The following PTCHD4 variants were observed in gnomAD, a reference collection of about 807,000 sequenced individuals.
PTCHD4 encodes the protein patched domain containing 4.
In PTCHD4, 33 loss-of-function variants were observed where a neutral mutation model predicts 58.1. The observed-to-expected ratio is 0.57, with a 90% confidence interval of 0.43 to 0.76. PTCHD4 has a LOEUF of 0.76. PTCHD4 is among the 30% of genes least tolerant of loss of function. PTCHD4 has a pLI of 0.00. For missense variants in PTCHD4, 1,058 were observed against 1,027.1 expected (o/e 1.03, Z -0.41); for synonymous variants, 478 against 409.6 (o/e 1.17, Z -2.02).
chr6:47,996,496 C>T (rs572967263), intron 4 of PTCHD4, among the ~76,000 whole-genome samples: 2 of 152,156 alleles, frequency 1.3e-5, no homozygotes, highest in Admixed American at 1.3e-4. Context: ...TATTCTCAGG[C>T]CCCGCAGTAC....
chr6:47,989,501 G>A (rs1768203311), intron 4 of PTCHD4, among the ~76,000 whole-genome samples: 1 of 152,142 alleles, frequency 6.6e-6, no homozygotes, highest in African/African-American at 2.4e-5. Context: ...GGAGTCCAGG[G>A]TCCCTGTGCT....
At chr6:47,962,232 C>T (rs2113970118) in intron 4 of PTCHD4, among the ~76,000 whole-genome samples, 1 of 152,208 alleles carries the variant, frequency 6.6e-6, no homozygotes, top group East Asian at 1.9e-4. Context: ...GTCAAGATTT[C>T]ATTCTTGTTC....
chr6:48,109,771 C>T (rs1458094234), intron 1 of PTCHD4, among the ~76,000 whole-genome samples: 1 of 151,960 alleles, frequency 6.6e-6, no homozygotes, highest in East Asian at 1.9e-4. Context: ...GAGCACAGGA[C>T]CTGCATAGGC....
At position 48,008,637 on chromosome 6, in the gene PTCHD4, T is replaced by C. The variant is rs1421166228; in HGVS notation, c.895A>G (p.Met299Val). 1.2e-6 allele frequency: 2 copies of C among 1,612,640 alleles called. No individual in the cohort carries two copies. The highest frequency in any genetic ancestry group is 8.5e-7 in the Non-Finnish European group (1 of 1,179,262). ...STLLGIPFFA[M>V]GHGTKGVFEL... The stretch of plus-strand genomic sequence containing the variant: ...TACCACAAGGATGGATAGTTACCCA[T>C]GGCGAAGAACGGGATTCCCAGCAGG... The change falls in exon 4 of 5, where the codon ATG (methionine) becomes GTG (valine). Residue 299 changes from methionine (M) to valine (V), a missense_variant. Met to Val is a conservative substitution (Grantham distance 21). Transcript: ENST00000339488.
At chr6:47,895,433 AG>A (rs1348468239) in intron 4 of PTCHD4, among the ~76,000 whole-genome samples, 1 of 152,234 alleles carries the variant, frequency 6.6e-6, no homozygotes, top group Non-Finnish European at 1.5e-5. Context: ...AGCTGATAAA[AG>A]CATGTTAGCA....
At chr6:47,895,242 C>G (rs533383884) in intron 4 of PTCHD4, among the ~76,000 whole-genome samples, 1 of 152,110 alleles carries the variant, frequency 6.6e-6, no homozygotes, top group Non-Finnish European at 1.5e-5. Context: ...ATGAGCTTGG[C>G]CACGTGACTA....
rs1310937322 is a variant in PTCHD4 at position 47,856,982 on chromosome 6, C to T, written c.*21321G>A. Among the ~76,000 whole-genome samples the T allele has an allele frequency of 6.6e-6, 1 of 151,862 alleles. No individual in the cohort carries two copies. The highest frequency in any genetic ancestry group is 1.5e-5 in the Non-Finnish European group (1 of 67,936). ...ATAATTGGTAATGAATCAAAACTGCCAAAAGCTGAAGCATGACAACATTGA... is the reference window on the plus strand; with the variant it reads ...ATAATTGGTAATGAATCAAAACTGCTAAAAGCTGAAGCATGACAACATTGA... On this transcript the variant is annotated 3_prime_UTR_variant, in exon 5 of 5. Transcript: ENST00000339488.
chr6:47,916,325 T>C (rs779445626), intron 4 of PTCHD4, among the ~76,000 whole-genome samples: 25 of 152,152 alleles, frequency 1.6e-4, no homozygotes, highest in South Asian at 1.0e-3. Flanking sequence ...AATGAGGTCA[T>C]AGCCCACCCC....
intron 4 of PTCHD4, among the ~76,000 whole-genome samples, chr6:47,987,581 A>G (rs1345245175): frequency 6.6e-6 from 1 of 152,134 alleles, no homozygotes; most frequent in Non-Finnish European, 1.5e-5. Flanking sequence ...CTAAAGGGCC[A>G]TTTCTGAATG....
intron 4 of PTCHD4, among the ~76,000 whole-genome samples, chr6:47,948,697 T>G (rs1766510076): frequency 6.6e-6 from 1 of 152,148 alleles, no homozygotes; most frequent in South Asian, 2.1e-4. Context: ...TCTAATCCAT[T>G]CCGCACACTG....
At chr6:48,018,505 C>G (rs1477210643) in intron 3 of PTCHD4, among the ~76,000 whole-genome samples, 1 of 152,220 alleles carries the variant, frequency 6.6e-6, no homozygotes, top group African/African-American at 2.4e-5. Flanking sequence ...TAGACCAAGT[C>G]ATGTGTCTGC....
At chr6:48,100,482 C>T (rs531049701) in intron 1 of PTCHD4, among the ~76,000 whole-genome samples, 1 of 152,152 alleles carries the variant, frequency 6.6e-6, no homozygotes, top group Non-Finnish European at 1.5e-5. Context: ...GTGATCAAAA[C>T]CAAGTTCATC....
intron 4 of PTCHD4, among the ~76,000 whole-genome samples, chr6:47,963,333 A>T (rs1056190381): frequency 6.6e-6 from 1 of 152,132 alleles, no homozygotes; most frequent in African/African-American, 2.4e-5. Context: ...AATAAATAAA[A>T]AGATAAGTCT....
At chr6:48,072,120 A>G (rs1764986861) in intron 1 of PTCHD4, among the ~76,000 whole-genome samples, 1 of 152,160 alleles carries the variant, frequency 6.6e-6, no homozygotes, top group South Asian at 2.1e-4. Flanking sequence ...TTTTTTGGAC[A>G]GAAGTCACTA....
chr6:47,923,702 C>T (rs576915061), intron 4 of PTCHD4, among the ~76,000 whole-genome samples: 11 of 152,202 alleles, frequency 7.2e-5, no homozygotes, highest in Non-Finnish European at 1.2e-4. Context: ...TATAAAACCA[C>T]TGTAAATGGT....
Position 47,872,394 on chromosome 6 carries a change from A to G in PTCHD4, c.*5909T>C, listed in dbSNP as rs1763740130. ...CTTACTCTACAAACTGTGGCAACAGAGGGAAAGAAAACCGTAATGCTCCTC... is the reference window on the plus strand; with the variant it reads ...CTTACTCTACAAACTGTGGCAACAGGGGGAAAGAAAACCGTAATGCTCCTC... On this transcript the variant is annotated 3_prime_UTR_variant, in exon 5 of 5. Transcript: ENST00000339488. Among the ~76,000 whole-genome samples, 1 of 151,598 alleles carries G rather than the reference A, an allele frequency of 6.6e-6. No homozygotes were observed. Among genetic ancestry groups the G allele is most frequent in the African/African-American group, 2.4e-5 (1 of 41,342 alleles).
At chr6:48,031,259 C>G (rs1402278894) in intron 3 of PTCHD4, among the ~76,000 whole-genome samples, 2 of 152,064 alleles carry the variant, frequency 1.3e-5, no homozygotes, top group African/African-American at 4.8e-5. Flanking sequence ...CAGCAAGAAT[C>G]CTATCATATC....
At chr6:48,011,019 AAC>A (rs1762649992) in intron 3 of PTCHD4, among the ~76,000 whole-genome samples, 1 of 152,208 alleles carries the variant, frequency 6.6e-6, no homozygotes, top group Non-Finnish European at 1.5e-5. Flanking sequence ...TGCTACTGTG[AAC>A]AGTCCTGCAA....
At chr6:47,942,271 G>T (rs1184777110) in intron 4 of PTCHD4, among the ~76,000 whole-genome samples, 1 of 152,098 alleles carries the variant, frequency 6.6e-6, no homozygotes, top group Admixed American at 6.6e-5. Context: ...CACCATCACT[G>T]GCATAAGCTT....
Sources: gnomAD v4.1 joint callset for allele counts (sites outside exome capture counted in the v4.1 genomes callset) on GRCh38, gnomAD v4.1.1 for gene constraint, MANE v1.5 for transcripts, NCBI Gene and HGNC (gene_info 2026-07-23, HGNC 2026-07-21) for gene names.